The following PLD1 variants were observed in gnomAD, a reference collection of about 807,000 sequenced individuals.
The protein encoded by PLD1 is choline phosphatase 1.
Under a neutral mutation model 137.1 loss-of-function variants are expected in PLD1, and 112 were observed. The observed-to-expected ratio is 0.82, with a 90% CI of 0.70 to 0.96. The LOEUF (loss-of-function observed/expected upper bound fraction) is 0.96, where lower values mean the gene tolerates loss of function less well. PLD1 is among the 40% of genes least tolerant of loss of function. PLD1 has a pLI of 0.00. For missense variants in PLD1, 1,321 were observed against 1,342.0 expected, an observed-to-expected ratio of 0.98 and a Z score of 0.24; for synonymous variants, 431 against 454.7, an observed-to-expected ratio of 0.95 and a Z score of 0.66.
chr3:171,740,672 T>A (rs1412728230), intron 1 of PLD1, among the ~76,000 whole-genome samples: 3 of 152,132 alleles, frequency 2.0e-5, no homozygotes, highest in Non-Finnish European at 4.4e-5. Context: ...CAAGCTGAAA[T>A]AAATATCTGA....
intron 12 of PLD1, among the ~76,000 whole-genome samples, chr3:171,696,232 G>T (rs1177987407): frequency 6.6e-6 from 1 of 152,226 alleles, no homozygotes; most frequent in African/African-American, 2.4e-5. Context: ...GCTGCCATAA[G>T]TATGATGCAG....
chr3:171,770,213 G>A (rs182922374), intron 1 of PLD1, among the ~76,000 whole-genome samples: 112 of 151,928 alleles, frequency 7.4e-4, no homozygotes, highest in East Asian at 4.3e-3. Flanking sequence ...TTTAATCCTC[G>A]GGTAATCTCG....
intron 13 of PLD1, among the ~76,000 whole-genome samples, chr3:171,690,688 T>G (rs1002323783): frequency 2.0e-5 from 3 of 152,232 alleles, no homozygotes; most frequent in African/African-American, 7.2e-5. Context: ...CATTATCTTG[T>G]GGTCAGACAG....
At chr3:171,684,084 A>G (rs1282058750) in intron 16 of PLD1, among the ~76,000 whole-genome samples, 1 of 152,190 alleles carries the variant, frequency 6.6e-6, no homozygotes, top group Non-Finnish European at 1.5e-5. Context: ...TGTCAAGGGT[A>G]CTTTTCATCA....
intron 9 of PLD1, among the ~76,000 whole-genome samples, chr3:171,710,186 G>A (rs972144137): frequency 1.3e-5 from 2 of 151,888 alleles, no homozygotes; most frequent in African/African-American, 2.4e-5. Flanking sequence ...CCTCAGCCTC[G>A]AGTAGCTGGG....
chr3:171,806,968 T>A (rs1443692159), intron 1 of PLD1, among the ~76,000 whole-genome samples: 1 of 152,214 alleles, frequency 6.6e-6, no homozygotes, highest in Non-Finnish European at 1.5e-5. Context: ...GTAGATAAGA[T>A]TTGTTAAACA....
chr3:171,755,053 G>A (rs1038630264), intron 1 of PLD1, among the ~76,000 whole-genome samples: 1 of 152,034 alleles, frequency 6.6e-6, no homozygotes, highest in African/African-American at 2.4e-5. Flanking sequence ...ATCTCTGCTT[G>A]TATGTCCTTC....
intron 1 of PLD1, among the ~76,000 whole-genome samples, chr3:171,790,837 A>G (rs981903262): frequency 2.6e-5 from 4 of 152,212 alleles, no homozygotes; most frequent in Admixed American, 6.5e-5. Context: ...CTGTTTATAC[A>G]TGAGAAATAA....
intron 23 of PLD1, among the ~76,000 whole-genome samples, chr3:171,629,350 A>G (rs1043000872): frequency 1.3e-5 from 2 of 152,080 alleles, no homozygotes; most frequent in Admixed American, 1.3e-4. Flanking sequence ...CCACTGCTCA[A>G]TGAAATAAAA....
chr3:171,727,257 T>C (rs535693869), intron 6 of PLD1, among the ~76,000 whole-genome samples: 10 of 152,200 alleles, frequency 6.6e-5, no homozygotes, highest in Non-Finnish European at 1.5e-4. Flanking sequence ...CAAGATCACA[T>C]AGTTAAGAAG....
intron 1 of PLD1, among the ~76,000 whole-genome samples, chr3:171,755,369 G>A (rs1453095708): frequency 2.0e-5 from 3 of 152,144 alleles, no homozygotes; most frequent in South Asian, 2.1e-4. Flanking sequence ...TCCAGAATAC[G>A]AAGGACACTT....
chr3:171,795,598 T>C (rs4894512), intron 1 of PLD1, among the ~76,000 whole-genome samples: 54,643 of 151,936 alleles, frequency 0.36, 10,376 homozygotes, highest in Middle Eastern at 0.51. Context: ...CCAGGCTCCT[T>C]ATCTTAGGAG....
At chr3:171,808,300 G>A (rs891422548) in intron 1 of PLD1, among the ~76,000 whole-genome samples, 2 of 152,100 alleles carry the variant, frequency 1.3e-5, no homozygotes, top group Non-Finnish European at 1.5e-5. Flanking sequence ...ACTTTGGGAG[G>A]CCGAGGCGGG....
intron 12 of PLD1, among the ~76,000 whole-genome samples, chr3:171,698,033 C>T (rs942380005): frequency 4.6e-5 from 7 of 152,082 alleles, no homozygotes; most frequent in Non-Finnish European, 7.3e-5. Flanking sequence ...CAGATTGCTA[C>T]GCAAGGCTGG....
At chr3:171,748,001 A>G (rs1720369187) in intron 1 of PLD1, among the ~76,000 whole-genome samples, 1 of 152,242 alleles carries the variant, frequency 6.6e-6, no homozygotes, top group African/African-American at 2.4e-5. Flanking sequence ...TAGATAGATT[A>G]AAATTTTAAA....
rs1714603475 is a variant in PLD1, at chr3:171,686,747, G to C, written c.1805C>G (p.Pro602Arg). ...GGACGGGTGAAAGAGTTTGAAGTGG[G>C]GTTTTAAACCATGGATTAAATTGTG... ...SHHNLIHGLK[P>R]HFKLFHPSSE... The change falls in exon 16 of 27, where the codon CCC (proline) becomes CGC (arginine). Residue 602 changes from proline to arginine, a missense_variant. Coordinates refer to ENST00000351298, the MANE Select transcript of PLD1 (RefSeq NM_002662.5). 6.2e-7 allele frequency: 1 copy of C among 1,608,466 alleles called. No homozygotes were observed. The highest frequency in any genetic ancestry group is 8.5e-7 in the Non-Finnish European group (1 of 1,175,152).
intron 8 of PLD1, among the ~76,000 whole-genome samples, chr3:171,724,079 A>G (rs2108237988): frequency 6.6e-6 from 1 of 152,358 alleles, no homozygotes. Flanking sequence ...GCTATTATCC[A>G]TAATACTGCT....
chr3:171,664,259 G>A (rs536437256), intron 19 of PLD1, among the ~76,000 whole-genome samples: 1 of 152,228 alleles, frequency 6.6e-6, no homozygotes, highest in South Asian at 2.1e-4. Context: ...TCATCAGGTA[G>A]AAAAAACAAA....
chr3:171,723,672 G>T (rs1329196401), intron 8 of PLD1, among the ~76,000 whole-genome samples: 2 of 152,144 alleles, frequency 1.3e-5, no homozygotes, highest in East Asian at 3.8e-4. Flanking sequence ...TTTAACTGGG[G>T]TGAGATGATA....
Sources: gnomAD v4.1 joint callset for allele counts (sites outside exome capture counted in the v4.1 genomes callset) on GRCh38, gnomAD v4.1.1 for gene constraint, MANE v1.5 for transcripts, NCBI Gene and HGNC (gene_info 2026-07-23, HGNC 2026-07-21) for gene names.